PJA2: variants seen among roughly 807,000 people sequenced by gnomAD.
The protein encoded by PJA2 is E3 ubiquitin-protein ligase Praja-2.
A neutral mutation model predicts 69.3 loss-of-function variants in PJA2; 25 were observed. The observed-to-expected ratio is 0.36, with a 90% CI of 0.26 to 0.50. PJA2 has a LOEUF of 0.50. PJA2 is among the 20% of genes least tolerant of loss of function. The pLI is 0.96. For missense variants in PJA2, 809 were observed against 830.2 expected, an observed-to-expected ratio of 0.97 and a Z score of 0.31; for synonymous variants, 308 against 277.8, an observed-to-expected ratio of 1.11 and a Z score of -1.08.
rs144321988 is a variant in PJA2, at chr5:109,406,362, T to TG, written c.-88+3479_-88+3480insC. Among the ~76,000 whole-genome samples the TG allele has an allele frequency of 3.5e-3, 540 of 152,272 alleles. 1 individual carries two copies. The highest frequency in any genetic ancestry group is 0.012 in the African/African-American group (512 of 41,562). ...GCCCACCCATTGTTGTTTGTTTGTT[T>TG]TTTAATGAGCAAAAAATGTCAACAG... is the stretch of plus-strand genomic sequence containing the variant. On this transcript the variant is annotated intron_variant, in intron 1 of 9. Coordinates refer to ENST00000361189, the MANE Select transcript of PJA2 (RefSeq NM_014819.5).
At chr5:109,399,549 A>T (rs1485890261) in intron 1 of PJA2, among the ~76,000 whole-genome samples, 1 of 152,238 alleles carries the variant, frequency 6.6e-6, no homozygotes, top group Non-Finnish European at 1.5e-5. Flanking sequence ...CAATGCAACC[A>T]CAGAAACGAA....
At chr5:109,357,086 GTAATTCCTAAATCTCTACC>G (rs766384391) in intron 6 of PJA2, among the ~76,000 whole-genome samples, 8 of 152,070 alleles carry the variant, frequency 5.3e-5, no homozygotes, top group Non-Finnish European at 1.2e-4. Context: ...CTCTCTGCAG[GTAATTCCTAAATCTCTACC>G]TAATTCCTAA....
At chr5:109,380,087 T>TTTTTTTTTC (rs1491420722) in intron 3 of PJA2, among the ~76,000 whole-genome samples, 300 of 38,014 alleles carry the variant, frequency 7.9e-3, no homozygotes, top group Middle Eastern at 0.06. Flanking sequence ...CGAAGGGTTC[T>TTTTTTTTTC]TTTTTTTTTT....
chr5:109,354,170 G>A lies in PJA2; in HGVS notation c.1764+1745C>T, dbSNP rs574056944. Among the ~76,000 whole-genome samples, 69 of 91,378 alleles carry A rather than the reference G, an allele frequency of 7.6e-4. 4 individuals carry two copies. Among genetic ancestry groups the A allele is most frequent in the South Asian group, 4.7e-3 (13 of 2,790 alleles). The allele number at this position is 91,378 out of a possible 152,430, so 59.9% of individuals were successfully genotyped here. On this transcript the variant is annotated intron_variant, in intron 7 of 9. Transcript: ENST00000361189. ...TTAGATATCTATGATATCTAGAGAT[G>A]TCTATAGATTAGATATCTATGATAT...
At chr5:109,369,013 C>T (rs1229002205) in intron 4 of PJA2, among the ~76,000 whole-genome samples, 1 of 152,128 alleles carries the variant, frequency 6.6e-6, no homozygotes, top group Non-Finnish European at 1.5e-5. Flanking sequence ...TGTGGCACCT[C>T]CCCCCTCATT....
At chr5:109,368,451 G>C (rs1762621464) in intron 5 of PJA2, 110 bp downstream of exon 5, 14 of 917,140 alleles carry the variant, frequency 1.5e-5, no homozygotes, top group Non-Finnish European at 2.2e-5. Flanking sequence ...GGGGCCTACT[G>C]GTTCTACATA....
chr5:109,342,153 G>T (rs1762079581), intron 9 of PJA2, among the ~76,000 whole-genome samples: 6 of 109,364 alleles, frequency 5.5e-5, no homozygotes, highest in East Asian at 2.6e-4. Flanking sequence ...GAGGTGGGGG[G>T]GTCAGCCCCC....
chr5:109,365,396 C>G lies in PJA2; in HGVS notation c.1470-2374G>C, dbSNP rs138908706. On this transcript the variant is annotated intron_variant, in intron 5 of 9. Transcript: ENST00000361189. The stretch of plus-strand genomic sequence containing the variant: ...TCTATAAACAAAACAAATAACGAAA[C>G]CAAGGTGTACACATATGTCTACACA... Among the ~76,000 whole-genome samples, 433 of 152,192 alleles carry G rather than the reference C, an allele frequency of 2.8e-3. 6 individuals carry two copies. The highest frequency in any genetic ancestry group is 0.01 in the African/African-American group (416 of 41,542).
Position 109,381,675 on chromosome 5 carries a change from G to C in PJA2, c.60C>G (p.Val20=). The C allele has an allele frequency of 1.2e-6, 2 of 1,613,772 alleles. No homozygotes were observed. The highest frequency in any genetic ancestry group is 1.7e-6 in the Non-Finnish European group (2 of 1,179,976). ...AAMDQESGKA[V]WPKPAGGYQT... ...GATACCCTCCTGCTGGTTTGGGCCA[G>C]ACAGCCTTACCAGATTCTTGGTCCA... The change falls in exon 3 of 10, where the codon GTC becomes GTG. Residue 20 remains valine, a synonymous_variant. Transcript: ENST00000361189.
Position 109,388,855 on chromosome 5 carries a change from T to G in PJA2, c.-87-5335A>C, listed in dbSNP as rs146485994. Among the ~76,000 whole-genome samples, 1,205 of 152,326 alleles carry G rather than the reference T, an allele frequency of 7.9e-3. 5 individuals are homozygous for G. The highest frequency in any genetic ancestry group is 0.027 in the Middle Eastern group (8 of 294). ...TCAGTCTTGTATAATTAACTTACCC[T>G]GCATTTCCTTTTAGTGAATGAATTC... On this transcript the variant is annotated intron_variant, in intron 1 of 9. Coordinates refer to ENST00000361189, the MANE Select transcript of PJA2 (RefSeq NM_014819.5).
intron 1 of PJA2, among the ~76,000 whole-genome samples, chr5:109,386,372 C>T (rs531910016): frequency 9.2e-5 from 14 of 152,184 alleles, no homozygotes; most frequent in Admixed American, 7.9e-4. Context: ...CCTTTGGTAG[C>T]ATGGTTGGTG....
intron 1 of PJA2, among the ~76,000 whole-genome samples, chr5:109,384,812 CAGTGTTTT>C (rs1378884411): frequency 6.6e-6 from 1 of 151,720 alleles, no homozygotes; most frequent in Non-Finnish European, 1.5e-5. Context: ...TGCTAATTAA[CAGTGTTTT>C]AACTTTTTTT....
chr5:109,337,779 A>T (rs559387182), intron 9 of PJA2, among the ~76,000 whole-genome samples: 57 of 152,098 alleles, frequency 3.7e-4, no homozygotes, highest in Middle Eastern at 6.8e-3. Flanking sequence ...CCACAGACCT[A>T]CTTTAATTCA....
At position 109,381,495 on chromosome 5, in the gene PJA2, T is replaced by C; in HGVS notation, c.232+8A>G. 1 of 1,612,142 alleles carries C rather than the reference T, an allele frequency of 6.2e-7. No homozygotes were observed. The highest frequency in any genetic ancestry group is 1.1e-5 in the South Asian group (1 of 90,952). ...TTAATAACCTTTAAATAATTAAATG[T>C]TACACACCTGAGGAATTTTCCTTTG... On this transcript the variant is annotated splice_region_variant and intron_variant, in intron 3 of 9. Transcript: ENST00000361189.
At position 109,337,143 on chromosome 5, in the gene PJA2, A is replaced by C. The variant is rs1478006427; in HGVS notation, c.*88T>G. On this transcript the variant is annotated 3_prime_UTR_variant, in exon 10 of 10. Transcript: ENST00000361189. Reference sequence around the variant, plus strand: ...TATACTATATATAGCATTTTTAAATATATTTATATATAATTATTTGCACAT... The same window carrying C: ...TATACTATATATAGCATTTTTAAATCTATTTATATATAATTATTTGCACAT... The C allele has an allele frequency of 1.9e-5, 24 of 1,232,128 alleles. No homozygotes were observed. The highest frequency in any genetic ancestry group is 2.6e-5 in the Non-Finnish European group (24 of 919,010). The allele number at this position is 1,232,128 out of a possible 1,614,324, so 76.3% of individuals were successfully genotyped here. A position where few individuals can be genotyped will look rare whatever the true frequency, so the allele number is the denominator to read the frequency against.
intron 1 of PJA2, among the ~76,000 whole-genome samples, chr5:109,393,813 C>T (rs914422192): frequency 2.6e-5 from 4 of 151,946 alleles, no homozygotes; most frequent in Admixed American, 6.6e-5. Context: ...ATTACAAACA[C>T]AAATGGATCT....
chr5:109,384,215 C>G (rs1747110290), intron 1 of PJA2, among the ~76,000 whole-genome samples: 1 of 152,124 alleles, frequency 6.6e-6, no homozygotes, highest in South Asian at 2.1e-4. Context: ...GTTCCTTTAG[C>G]CCTGGAATTG....
At position 109,337,324 on chromosome 5, in the gene PJA2, G is replaced by A. The variant is rs1254579067; in HGVS notation, c.2034C>T (p.Phe678=). ...SGTCPVCRRH[F]PPAVIEASAA... ...CAGATGCTTCAATAACCGCAGGTGGGAAATGACGGCGGCACACAGGGCATG... is the reference window on the plus strand; with the variant it reads ...CAGATGCTTCAATAACCGCAGGTGGAAAATGACGGCGGCACACAGGGCATG... The change falls in exon 10 of 10, where the codon TTC becomes TTT. Residue 678 remains phenylalanine (F), a synonymous_variant. Coordinates refer to ENST00000361189, the MANE Select transcript of PJA2 (RefSeq NM_014819.5). 1 of 1,612,732 alleles carries A rather than the reference G, an allele frequency of 6.2e-7. No individual in the cohort carries two copies. The highest frequency in any genetic ancestry group is 8.5e-7 in the Non-Finnish European group (1 of 1,179,536).
chr5:109,406,674 C>T (rs960730402), intron 1 of PJA2, among the ~76,000 whole-genome samples: 1 of 151,474 alleles, frequency 6.6e-6, no homozygotes, highest in South Asian at 2.1e-4. Context: ...TAGGTATTTA[C>T]CAAGAAAAAA....
Sources: allele counts gnomAD v4.1 joint callset (sites outside exome capture counted in the v4.1 genomes callset), GRCh38; gene constraint gnomAD v4.1.1; transcripts MANE v1.5; gene names NCBI Gene and HGNC (gene_info 2026-07-23, HGNC 2026-07-21).